The following TRMT1L variants were observed in gnomAD, a reference collection of about 807,000 sequenced individuals.
TRMT1L encodes the protein tRNA methyltransferase 1L, also known as tRNA (guanine(27)-N(2))-dimethyltransferase.
Under a neutral mutation model 81.6 loss-of-function variants are expected in TRMT1L, and 28 were observed. That is an observed-to-expected ratio of 0.34 (90% CI 0.25 to 0.47). The LOEUF is 0.47. Ranked by LOEUF, TRMT1L falls within the 20% of genes least tolerant of loss-of-function variation. TRMT1L has a pLI of 1.00. For missense variants in TRMT1L, 739 were observed against 877.1 expected (o/e 0.84, Z 1.99); for synonymous variants, 301 against 303.2 (o/e 0.99, Z 0.07).
At chr1:185,144,608 G>C (rs1198069808) in intron 5 of TRMT1L, among the ~76,000 whole-genome samples, 1 of 151,758 alleles carries the variant, frequency 6.6e-6, no homozygotes, top group African/African-American at 2.4e-5. Flanking sequence ...TAGTATGTTA[G>C]AATCATTTAG....
Position 185,145,581 on chromosome 1 carries a change from GTATT to G in TRMT1L, c.526-17_526-14del, listed in dbSNP as rs1653166791. On this transcript the variant is annotated splice_polypyrimidine_tract_variant and intron_variant, in intron 4 of 14. Transcript: ENST00000367506. ...TTTTACTGGTTATCTATCAAACAGA[GTATT>G]TAATTTAAATAAGTTGCTAAGACAA... is the stretch of plus-strand genomic sequence containing the variant. 1 of 1,607,088 alleles carries G rather than the reference GTATT, an allele frequency of 6.2e-7. No individual in the cohort carries two copies. Among genetic ancestry groups the G allele is most frequent in the East Asian group, 2.2e-5 (1 of 44,696 alleles).
chr1:185,149,301 C>T (rs1653275270), intron 3 of TRMT1L, among the ~76,000 whole-genome samples: 1 of 149,392 alleles, frequency 6.7e-6, no homozygotes, highest in Admixed American at 6.7e-5. Flanking sequence ...TCTTTTACTT[C>T]CTCTTTTTTT....
At chr1:185,136,278 G>A (rs1345283623) in intron 10 of TRMT1L, among the ~76,000 whole-genome samples, 1 of 152,030 alleles carries the variant, frequency 6.6e-6, no homozygotes, top group East Asian at 1.9e-4. Context: ...GCATGGTGGT[G>A]TGTGCCTATA....
rs149481073 is a variant in TRMT1L, at chr1:185,150,482, C to T, written c.357G>A (p.Gln119=). 2.9e-3 allele frequency: 4,656 copies of T among 1,611,366 alleles called. 20 individuals carry two copies. The highest frequency in any genetic ancestry group is 3.5e-3 in the Non-Finnish European group (4,163 of 1,178,122). ...NSDNLDAGNR[Q]ACPLCPKEKF... ...TTTCCTTAGGGCACAATGGACAAGC[C>T]TGTCTGTTGCCTTAAAAAGAAAAAA... Residue 119 remains glutamine, a synonymous_variant, in exon 3 of 15, where the codon CAG becomes CAA. Coordinates refer to ENST00000367506, the MANE Select transcript of TRMT1L (RefSeq NM_030934.5).
rs945446869 is a variant in TRMT1L at position 185,139,587 on chromosome 1, C to T, written c.1110-8G>A. On this transcript the variant is annotated splice_polypyrimidine_tract_variant and splice_region_variant and intron_variant, in intron 8 of 14. Coordinates refer to ENST00000367506, the MANE Select transcript of TRMT1L (RefSeq NM_030934.5). ...CCAAAAGGGTCTAGATGTCTAAAAT[C>T]AGAAAGAATATAGACATTTTAAAGT... 1.3e-6 allele frequency: 2 copies of T among 1,592,424 alleles called. No homozygotes were observed. Among genetic ancestry groups the T allele is most frequent in the Non-Finnish European group, 1.7e-6 (2 of 1,165,868 alleles).
intron 2 of TRMT1L, among the ~76,000 whole-genome samples, chr1:185,150,781 G>A (rs750118759): frequency 1.3e-5 from 2 of 152,274 alleles, no homozygotes; most frequent in African/African-American, 2.4e-5. Context: ...ACATCCTTCC[G>A]GCCAAATTTT....
intron 12 of TRMT1L, among the ~76,000 whole-genome samples, chr1:185,124,526 C>T (rs1040585724): frequency 1.3e-5 from 2 of 151,680 alleles, no homozygotes; most frequent in African/African-American, 4.8e-5. Context: ...GGTGAGACCC[C>T]ATCTCTAAAA....
chr1:185,156,988 G>A (rs944146243), upstream of TRMT1L: 3 of 485,952 alleles, frequency 6.2e-6, no homozygotes, highest in Admixed American at 1.2e-4. Context: ...GCGTACTGGG[G>A]ACGGCGTCCA....
intron 2 of TRMT1L, among the ~76,000 whole-genome samples, 188 bp downstream of exon 2, chr1:185,151,637 A>G (rs1653352495): frequency 6.6e-6 from 1 of 152,200 alleles, no homozygotes; most frequent in African/African-American, 2.4e-5. Flanking sequence ...GAGTTGTAAA[A>G]TAACTTATTT....
chr1:185,151,904 A>C lies in TRMT1L; in HGVS notation c.267T>G (p.Ala89=), dbSNP rs184609279. 2 of 1,603,900 alleles carry C rather than the reference A, an allele frequency of 1.2e-6. No homozygotes were observed. Among genetic ancestry groups the C allele is most frequent in the Non-Finnish European group, 1.7e-6 (2 of 1,176,524 alleles). The part of the protein sequence containing the change: ...KRHISIQRQL[A]DLENLAFVTD... ...TTACAAAAGCTAAATTCTCTAGATCAGCAAGCTGCCTTTGAATTGAGATGT... is the reference window on the plus strand; with the variant it reads ...TTACAAAAGCTAAATTCTCTAGATCCGCAAGCTGCCTTTGAATTGAGATGT... Residue 89 remains alanine (A), a synonymous_variant, in exon 2 of 15, where the codon GCT becomes GCG. Coordinates refer to ENST00000367506, the MANE Select transcript of TRMT1L (RefSeq NM_030934.5).
intron 10 of TRMT1L, among the ~76,000 whole-genome samples, chr1:185,135,415 C>T (rs75140544): frequency 1.5e-5 from 1 of 68,540 alleles, no homozygotes; most frequent in Non-Finnish European, 3.1e-5. Context: ...GACTCCGTCT[C>T]AAAAAAAAAA....
intron 4 of TRMT1L, 99 bp from the exon 5 acceptor site, chr1:185,145,667 T>A: frequency 8.8e-7 from 1 of 1,142,666 alleles, no homozygotes; most frequent in Non-Finnish European, 1.2e-6. Flanking sequence ...GATTTAATGG[T>A]ATAGAAGATA....
intron 13 of TRMT1L, 148 bp downstream of exon 13, chr1:185,123,709 A>T: frequency 1.8e-6 from 1 of 554,858 alleles, no homozygotes; most frequent in Non-Finnish European, 3.1e-6. Flanking sequence ...GAATGCTGAT[A>T]AACAAGTTTT....
chr1:185,122,216 C>A (rs1652517309), intron 13 of TRMT1L, among the ~76,000 whole-genome samples: 1 of 152,118 alleles, frequency 6.6e-6, no homozygotes, highest in Admixed American at 6.5e-5. Context: ...TCTGTCTTTG[C>A]TACTGTGAAT....
intron 10 of TRMT1L, 166 bp downstream of exon 10, chr1:185,137,440 A>G (rs1571349232): frequency 1.3e-6 from 1 of 747,796 alleles, no homozygotes; most frequent in East Asian, 2.7e-5. Context: ...TAATAAACTC[A>G]CACGAATGTC....
chr1:185,120,989 T>A (rs1008174747), intron 13 of TRMT1L: 1 of 152,264 alleles, frequency 6.6e-6, no homozygotes, highest in African/African-American at 2.4e-5. Context: ...CAGTGGGTCT[T>A]TAGTAATCAC....
intron 10 of TRMT1L, among the ~76,000 whole-genome samples, chr1:185,135,178 G>GCC (rs1652862772): frequency 6.6e-6 from 1 of 152,154 alleles, no homozygotes; most frequent in East Asian, 1.9e-4. Context: ...TGCTTTGGGA[G>GCC]GCCAAGGCGG....
chr1:185,140,894 A>C (rs1653019965), intron 7 of TRMT1L, among the ~76,000 whole-genome samples: 1 of 150,728 alleles, frequency 6.6e-6, no homozygotes, highest in African/African-American at 2.4e-5. Context: ...AGGTGGGAGG[A>C]TCACCTCCTA....
At chr1:185,157,048 A>C (rs573650823), upstream of TRMT1L, 30 of 304,156 alleles carry the variant, frequency 9.9e-5, no homozygotes, top group East Asian at 5.5e-4. Context: ...CCCACCGGCC[A>C]ACCACCAAAC....
Sources: gnomAD v4.1 joint callset for allele counts (sites outside exome capture counted in the v4.1 genomes callset) on GRCh38, gnomAD v4.1.1 for gene constraint, MANE v1.5 for transcripts, NCBI Gene and HGNC (gene_info 2026-07-23, HGNC 2026-07-21) for gene names.